The following SCN4B variants were observed in gnomAD, a reference collection of about 807,000 sequenced individuals.
SCN4B encodes the protein sodium channel regulatory subunit beta-4.
SCN4B carries 20 observed loss-of-function variants against 19.6 expected under a neutral mutation model. That is an observed-to-expected ratio of 1.02 (90% CI 0.72 to 1.48). SCN4B has a LOEUF of 1.48. Among genes scored for constraint, SCN4B ranks in the 40% most tolerant of loss-of-function variants. SCN4B has a pLI of 0.00. For missense variants in SCN4B, 271 were observed against 287.5 expected, an observed-to-expected ratio of 0.94 and a Z score of 0.42; for synonymous variants, 127 against 122.8, an observed-to-expected ratio of 1.03 and a Z score of -0.22.
chr11:118,135,943 T>A lies in SCN4B; in HGVS notation c.*1084A>T. On this transcript the variant is annotated 3_prime_UTR_variant, in exon 5 of 5. Transcript: ENST00000324727. The stretch of plus-strand genomic sequence containing the variant: ...GCTGGGAAACCCAAGGACCCCCTCA[T>A]CCAAAGGAAGAGAGTCCCTGAGGCG... 1 of 452,844 alleles carries A rather than the reference T, an allele frequency of 2.2e-6. No individual in the cohort carries two copies. Among genetic ancestry groups the A allele is most frequent in the South Asian group, 1.6e-5 (1 of 64,426 alleles). 28.1% of individuals were successfully genotyped at this position (452,844 alleles called of 1,614,324 possible). A position where few individuals can be genotyped will look rare whatever the true frequency, so the allele number is the denominator to read the frequency against.
intron 1 of SCN4B, chr11:118,145,531 G>A: frequency 8.1e-7 from 1 of 1,241,800 alleles, no homozygotes; most frequent in Non-Finnish European, 1.0e-6. Flanking sequence ...GCCGCGAACC[G>A]CGCCCCGGCT....
At position 118,135,161 on chromosome 11, in the gene SCN4B, C is replaced by G. The variant is rs771416025; in HGVS notation, c.*1866G>C. ...TGTCTGCTCCCAAAGCCAGGAAAAT[C>G]TGAGCCCCAGCCCATGACAGGTTCT... On this transcript the variant is annotated 3_prime_UTR_variant, in exon 5 of 5. Coordinates refer to ENST00000324727, the MANE Select transcript of SCN4B (RefSeq NM_174934.4). 2 of 454,132 alleles carry G rather than the reference C, an allele frequency of 4.4e-6. No homozygotes were observed. The highest frequency in any genetic ancestry group is 3.1e-5 in the South Asian group (2 of 64,476). 28.1% of individuals were successfully genotyped at this position (454,132 alleles called of 1,614,324 possible).
At chr11:118,146,837 C>G (rs1948183102) in intron 1 of SCN4B, among the ~76,000 whole-genome samples, 1 of 152,234 alleles carries the variant, frequency 6.6e-6, no homozygotes, top group South Asian at 2.1e-4. Context: ...GGTGAGACAA[C>G]TGAGCCTAGA....
At chr11:118,143,602 T>C (rs911980908) in intron 3 of SCN4B, among the ~76,000 whole-genome samples, 2 of 145,186 alleles carry the variant, frequency 1.4e-5, no homozygotes, top group Non-Finnish European at 3.0e-5. Flanking sequence ...TATTCCCATT[T>C]TACAGATGAG....
intron 1 of SCN4B, among the ~76,000 whole-genome samples, chr11:118,152,283 C>T (rs78039602): frequency 0.015 from 2,214 of 152,316 alleles, 25 homozygotes; most frequent in Non-Finnish European, 0.021. Flanking sequence ...CACGGACCCC[C>T]CTCCTCCAGC....
chr11:118,133,822 G>T lies in SCN4B; in HGVS notation c.*3205C>A. 2.2e-6 allele frequency: 1 copy of T among 454,482 alleles called. No individual in the cohort carries two copies. Among genetic ancestry groups the T allele is most frequent in the Non-Finnish European group, 4.4e-6 (1 of 226,788 alleles). 28.2% of individuals were successfully genotyped at this position (454,482 alleles called of 1,614,324 possible). A position where few individuals can be genotyped will look rare whatever the true frequency, so the allele number is the denominator to read the frequency against. On this transcript the variant is annotated 3_prime_UTR_variant, in exon 5 of 5. Coordinates refer to ENST00000324727, the MANE Select transcript of SCN4B (RefSeq NM_174934.4). ...CACTGAGATGAAGTCATGGAGTGACGGAATGCAGGAGCACGGCTGGTCTTC... is the reference window on the plus strand; with the variant it reads ...CACTGAGATGAAGTCATGGAGTGACTGAATGCAGGAGCACGGCTGGTCTTC...
chr11:118,143,955 ATGT>A lies in SCN4B; in HGVS notation c.338_340del (p.Asn113del), dbSNP rs750839173. On this transcript the variant is annotated inframe_deletion, in exon 3 of 5. Transcript: ENST00000324727. ...CTCCAGGTCCCTCAGCACAATGGAA[ATGT>A]TGTTCATCTTCTCCTTAGTAGAGCC... 19 of 1,613,974 alleles carry A rather than the reference ATGT, an allele frequency of 1.2e-5. No homozygotes were observed. In the South Asian group the frequency reaches 1.9e-4, roughly 16 times the overall value.
In SCN4B at chr11:118,152,642, G is replaced by A; in HGVS notation, c.32C>T (p.Pro11Leu). The A allele has an allele frequency of 6.2e-7, 1 of 1,612,036 alleles. No individual in the cohort carries two copies. Among genetic ancestry groups the A allele is most frequent in the Non-Finnish European group, 8.5e-7 (1 of 1,178,988 alleles). MPGAGDGGKA[P>L]ARWLGTGLLG... Reference sequence around the variant, plus strand: ...AAGCCCAGTGCCCAGCCATCTCGCCGGGGCTTTGCCTCCGTCCCCAGCCCC... The same window carrying A: ...AAGCCCAGTGCCCAGCCATCTCGCCAGGGCTTTGCCTCCGTCCCCAGCCCC... The change falls in exon 1 of 5, where the codon CCG becomes CTG. Residue 11 changes from proline to leucine, a missense_variant. Coordinates refer to ENST00000324727, the MANE Select transcript of SCN4B (RefSeq NM_174934.4).
chr11:118,145,577 C>T (rs889420811), intron 1 of SCN4B: 33 of 808,944 alleles, frequency 4.1e-5, no homozygotes, highest in Middle Eastern at 9.9e-4. Context: ...CCTGGAAGCG[C>T]TCCTGCCGCA....
intron 4 of SCN4B, among the ~76,000 whole-genome samples, chr11:118,140,748 T>A (rs1290760104): frequency 6.6e-6 from 1 of 152,190 alleles, no homozygotes; most frequent in Non-Finnish European, 1.5e-5. Context: ...AAACATCACC[T>A]CCATCTGAAT....
At position 118,133,982 on chromosome 11, in the gene SCN4B, T is replaced by TTACGCTGCCATGCACC. The variant is rs1250301907; in HGVS notation, c.*3029_*3044dup. ...CATGCAGAGCCCATCCACTCCACAG[T>TTACGCTGCCATGCACC]TACGCTGCCATGCACCCACACTGCC... is the stretch of plus-strand genomic sequence containing the variant. On this transcript the variant is annotated 3_prime_UTR_variant, in exon 5 of 5. Coordinates refer to ENST00000324727, the MANE Select transcript of SCN4B (RefSeq NM_174934.4). 2.2e-6 allele frequency: 1 copy of TTACGCTGCCATGCACC among 454,674 alleles called. No homozygotes were observed. Among genetic ancestry groups the TTACGCTGCCATGCACC allele is most frequent in the South Asian group, 1.6e-5 (1 of 64,458 alleles). 28.2% of individuals were successfully genotyped at this position (454,674 alleles called of 1,614,324 possible).
Position 118,135,674 on chromosome 11 carries a change from C to T in SCN4B, c.*1353G>A. 2.2e-6 allele frequency: 1 copy of T among 454,452 alleles called. No homozygotes were observed. The highest frequency in any genetic ancestry group is 7.0e-5 in the East Asian group (1 of 14,376). 28.2% of individuals were successfully genotyped at this position (454,452 alleles called of 1,614,324 possible). On this transcript the variant is annotated 3_prime_UTR_variant, in exon 5 of 5. Transcript: ENST00000324727. Reference sequence around the variant, plus strand: ...CAGCCTCATGGCCCCCTCTATGACCCTGGGGAGGGGAGGGCTGGCGAACCC... The same window carrying T: ...CAGCCTCATGGCCCCCTCTATGACCTTGGGGAGGGGAGGGCTGGCGAACCC...
chr11:118,135,309 C>G lies in SCN4B; in HGVS notation c.*1718G>C. 2.2e-6 allele frequency: 1 copy of G among 454,056 alleles called. No individual in the cohort carries two copies. Among genetic ancestry groups the G allele is most frequent in the Non-Finnish European group, 4.4e-6 (1 of 226,764 alleles). The allele number at this position is 454,056 out of a possible 1,614,324, so 28.1% of individuals were successfully genotyped here. On this transcript the variant is annotated 3_prime_UTR_variant, in exon 5 of 5. Transcript: ENST00000324727. ...TGCAGGTACTACTGGTCCTCAGTCT[C>G]CCCCCACTCCACCCTTGCGAGGCTT... is the stretch of plus-strand genomic sequence containing the variant.
At chr11:118,142,549 G>A (rs1012851363) in intron 3 of SCN4B, among the ~76,000 whole-genome samples, 7 of 14,730 alleles carry the variant, frequency 4.8e-4, no homozygotes, top group African/African-American at 1.5e-3. Context: ...TTTTCTATTG[G>A]TATCTCCATA....
rs140232311 is a variant in SCN4B, at chr11:118,148,517, G to A, written c.62-3288C>T. ...TGAGAAAGTCAGAGGTGCCACATCC[G>A]GTGTGCATATCCCCAAGCCAGGGCA... On this transcript the variant is annotated intron_variant, in intron 1 of 4. Coordinates refer to ENST00000324727, the MANE Select transcript of SCN4B (RefSeq NM_174934.4). This position sits in a 1 kb window ranked among gnomAD's most constrained non-coding sequence, Gnocchi z 4.0. 2.5e-4 allele frequency among the ~76,000 whole-genome samples: 38 copies of A among 152,298 alleles called. 1 individual carries two copies. Among genetic ancestry groups the A allele is most frequent in the African/African-American group, 8.7e-4 (36 of 41,556 alleles).
At chr11:118,140,756 A>G (rs1044799270) in intron 4 of SCN4B, among the ~76,000 whole-genome samples, 1 of 152,166 alleles carries the variant, frequency 6.6e-6, no homozygotes, top group African/African-American at 2.4e-5. Context: ...CCTCCATCTG[A>G]ATTTTCAGAA....
At chr11:118,139,720 C>T (rs1948070274) in intron 4 of SCN4B, among the ~76,000 whole-genome samples, 1 of 152,194 alleles carries the variant, frequency 6.6e-6, no homozygotes, top group African/African-American at 2.4e-5. Context: ...CACTTCACTA[C>T]TCTGAGCCTC....
intron 3 of SCN4B, among the ~76,000 whole-genome samples, chr11:118,142,558 T>C (rs993685586): frequency 2.0e-5 from 3 of 152,070 alleles, no homozygotes; most frequent in African/African-American, 4.8e-5. Flanking sequence ...GGTATCTCCA[T>C]ACACAGAAGA....
In SCN4B at chr11:118,134,749, G is replaced by C. The variant is rs770078081; in HGVS notation, c.*2278C>G. 3.7e-5 allele frequency: 17 copies of C among 453,966 alleles called. No individual in the cohort carries two copies. The highest frequency in any genetic ancestry group is 6.9e-5 in the East Asian group (1 of 14,406). 28.1% of individuals were successfully genotyped at this position (453,966 alleles called of 1,614,324 possible). A position where few individuals can be genotyped will look rare whatever the true frequency, so the allele number is the denominator to read the frequency against. ...GAGATGGGACACAGAGATGAAGACA[G>C]GACAGACTTGGAACTATCCCTGCAA... is the stretch of plus-strand genomic sequence containing the variant. On this transcript the variant is annotated 3_prime_UTR_variant, in exon 5 of 5. Transcript: ENST00000324727.
Sources: allele counts gnomAD v4.1 joint callset (sites outside exome capture counted in the v4.1 genomes callset), GRCh38; gene constraint gnomAD v4.1.1; non-coding constraint Gnocchi (gnomAD v3.1); transcripts MANE v1.5; gene names NCBI Gene and HGNC (gene_info 2026-07-23, HGNC 2026-07-21).